PLEKHG6: variants seen among roughly 807,000 people sequenced by gnomAD.
The protein encoded by PLEKHG6 is pleckstrin homology domain-containing family G member 6.
PLEKHG6 carries 91 observed loss-of-function variants against 97.5 expected under a neutral mutation model. The ratio of observed to expected loss-of-function variants is 0.93; its 90% CI spans 0.79 to 1.11. PLEKHG6 has a LOEUF of 1.11. Ranked by LOEUF, PLEKHG6 falls within the 50% of genes most tolerant of loss-of-function variation. The pLI is 0.00. For synonymous variants in PLEKHG6, 466 were observed against 425.5 expected (o/e 1.10, Z -1.17); for missense variants, 1,044 against 1,031.0 (o/e 1.01, Z -0.17).
chr12:6,316,045 C>A lies in PLEKHG6; in HGVS notation c.606+126C>A. 2.0e-6 allele frequency: 2 copies of A among 977,778 alleles called. No individual in the cohort carries two copies. The highest frequency in any genetic ancestry group is 3.0e-6 in the Non-Finnish European group (2 of 663,390). The allele number at this position is 977,778 out of a possible 1,614,324, so 60.6% of individuals were successfully genotyped here. On this transcript the variant is annotated intron_variant, in intron 6 of 15. Transcript: ENST00000684764. This position sits in a 1 kb window ranked among gnomAD's most constrained non-coding sequence, Gnocchi z 4.1. ...CGTTTTTTGGGATGCCTTGCCCTCC[C>A]TACTTCCCTGTTACTGGGGACTCCA...
intron 2 of PLEKHG6, chr12:6,313,297 G>T: frequency 9.5e-7 from 1 of 1,053,510 alleles, no homozygotes; most frequent in South Asian, 1.4e-5. Flanking sequence ...CCCATGGTAC[G>T]GAGAGCAGGA....
chr12:6,314,959 G>A lies in PLEKHG6; in HGVS notation c.295-46G>A, dbSNP rs767125887. On this transcript the variant is annotated intron_variant, in intron 3 of 15. Transcript: ENST00000684764. ...AGCCCTCCCGGGGCCCTGTGGCTGG[G>A]TGCCAAGGATGTGACCAGAGCTGAT... 13 of 1,586,282 alleles carry A rather than the reference G, an allele frequency of 8.2e-6. No individual in the cohort carries two copies. In the East Asian group the frequency reaches 1.4e-4, roughly 16 times the overall value.
At chr12:6,318,681 C>T (rs906290659) in intron 11 of PLEKHG6, 64 bp from the exon 12 acceptor site, 2 of 1,569,640 alleles carry the variant, frequency 1.3e-6, no homozygotes, top group African/African-American at 1.3e-5. Flanking sequence ...GAGCCTCCTC[C>T]CGGACCAGCC....
intron 9 of PLEKHG6, 27 bp downstream of exon 9, chr12:6,317,723 C>G: frequency 5.6e-6 from 9 of 1,610,826 alleles, no homozygotes; most frequent in Non-Finnish European, 7.6e-6. Flanking sequence ...GGCTGGGACT[C>G]TGGTGAATCG....
At chr12:6,324,159 C>T (rs1947790380) in intron 13 of PLEKHG6, among the ~76,000 whole-genome samples, 1 of 152,164 alleles carries the variant, frequency 6.6e-6, no homozygotes, top group Admixed American at 6.5e-5. Flanking sequence ...TGTCTCTCCT[C>T]TTAACCAAGC....
At chr12:6,324,978 G>A (rs1370451802) in intron 13 of PLEKHG6, among the ~76,000 whole-genome samples, 2 of 152,158 alleles carry the variant, frequency 1.3e-5, no homozygotes, top group Non-Finnish European at 2.9e-5. Flanking sequence ...CTAGATCATG[G>A]GGATGGGGGA....
chr12:6,321,492 T>C (rs961767908), intron 13 of PLEKHG6, among the ~76,000 whole-genome samples: 4 of 151,840 alleles, frequency 2.6e-5, no homozygotes, highest in African/African-American at 9.7e-5. Context: ...GCCACAGCCT[T>C]AGGGAGACAT....
chr12:6,326,839 C>G (rs1207452982), intron 14 of PLEKHG6, among the ~76,000 whole-genome samples: 3 of 152,138 alleles, frequency 2.0e-5, no homozygotes, highest in Non-Finnish European at 4.4e-5. Flanking sequence ...GAGGAGCAAG[C>G]TCGAGAGTGA....
rs1947336799 is a variant in PLEKHG6, at chr12:6,313,286, C to T, written c.139-343C>T. ...GTGCACCACGCCTTGTCCATGCACC[C>T]CCCATGGTACGGAGAGCAGGAGGCA... On this transcript the variant is annotated intron_variant, in intron 2 of 15. Transcript: ENST00000684764. 4 of 1,146,714 alleles carry T rather than the reference C, an allele frequency of 3.5e-6. No individual in the cohort carries two copies. In the Admixed American group the frequency reaches 8.0e-5, roughly 23 times the overall value. The allele number at this position is 1,146,714 out of a possible 1,614,324, so 71.0% of individuals were successfully genotyped here.
rs1947415664 is a variant in PLEKHG6 at position 6,315,255 on chromosome 12, G to A, written c.459+86G>A. 7.5e-7 allele frequency: 1 copy of A among 1,330,862 alleles called. No homozygotes were observed. The highest frequency in any genetic ancestry group is 1.5e-5 in the African/African-American group (1 of 68,244). 82.4% of individuals were successfully genotyped at this position (1,330,862 alleles called of 1,614,324 possible). On this transcript the variant is annotated intron_variant, in intron 4 of 15. Coordinates refer to ENST00000684764, the MANE Select transcript of PLEKHG6 (RefSeq NM_001384598.1). The surrounding 1 kb of genome is among the most constrained non-coding windows in gnomAD (Gnocchi z 4.5). ...GCTCTAGAGGAGGGAAAGGCCTTGGGAAGTGGGGTCATGTGGAAAAAACAT... is the reference window on the plus strand; with the variant it reads ...GCTCTAGAGGAGGGAAAGGCCTTGGAAAGTGGGGTCATGTGGAAAAAACAT...
In PLEKHG6 at chr12:6,313,756, C is replaced by A. The variant is rs760860392; in HGVS notation, c.266C>A (p.Ala89Asp). Residue 89 changes from alanine to aspartate, a missense_variant, in exon 3 of 16, where the codon GCT becomes GAT. Transcript: ENST00000684764. ...PEKRHGGHVG[A>D]GLLHSPKLKE... ...AAGAGGCACGGGGGCCATGTGGGGG[C>A]TGGCCTGCTTCACTCCCCCAAACTC... 9 of 1,602,332 alleles carry A rather than the reference C, an allele frequency of 5.6e-6. No individual in the cohort carries two copies. Among genetic ancestry groups the A allele is most frequent in the Non-Finnish European group, 6.8e-6 (8 of 1,174,274 alleles).
chr12:6,316,754 C>T lies in PLEKHG6; in HGVS notation c.756+350C>T, dbSNP rs1430563656. On this transcript the variant is annotated intron_variant, in intron 7 of 15. Coordinates refer to ENST00000684764, the MANE Select transcript of PLEKHG6 (RefSeq NM_001384598.1). This position sits in a 1 kb window ranked among gnomAD's most constrained non-coding sequence, Gnocchi z 4.1. ...GGTGTAAAAGGCCACAGGAGGCACCCGGGGCACGGAGAAGAGTGACAAGAG... is the reference window on the plus strand; with the variant it reads ...GGTGTAAAAGGCCACAGGAGGCACCTGGGGCACGGAGAAGAGTGACAAGAG... Among the ~76,000 whole-genome samples the T allele has an allele frequency of 6.6e-6, 1 of 152,086 alleles. No homozygotes were observed. Among genetic ancestry groups the T allele is most frequent in the African/African-American group, 2.4e-5 (1 of 41,390 alleles).
intron 9 of PLEKHG6, 54 bp from the exon 10 acceptor site, chr12:6,317,803 G>A (rs1195306540): frequency 2.2e-5 from 34 of 1,543,340 alleles, no homozygotes; most frequent in Non-Finnish European, 2.9e-5. Flanking sequence ...GCTGGCATTG[G>A]TTGGGAGGGG....
At position 6,327,533 on chromosome 12, in the gene PLEKHG6, G is replaced by C; in HGVS notation, c.1950G>C (p.Pro650=). The C allele has an allele frequency of 1.5e-6, 2 of 1,343,840 alleles. No homozygotes were observed. Among genetic ancestry groups the C allele is most frequent in the Non-Finnish European group, 2.0e-6 (2 of 1,016,438 alleles). The allele number at this position is 1,343,840 out of a possible 1,614,324, so 83.2% of individuals were successfully genotyped here. ...APQRRSAPEL[P]EGILKGGSLP... ...AACGCCGAAGCGCCCCCGAACTGCC[G>C]GAAGGAATCCTAAAAGGAGGCAGTC... Residue 650 remains proline, a synonymous_variant, in exon 15 of 16, where the codon CCG becomes CCC. Transcript: ENST00000684764.
Position 6,317,947 on chromosome 12 carries a change from A to T in PLEKHG6, c.1108A>T (p.Ile370Phe). Residue 370 changes from isoleucine to phenylalanine, a missense_variant, in exon 10 of 16, where the codon ATC becomes TTC. Physicochemically the swap from Ile to Phe is conservative, Grantham distance 21 (BLOSUM62 0). Transcript: ENST00000684764. The stretch of plus-strand genomic sequence containing the variant: ...GAGCTTGGCGGCTGCAGCACAACGC[A>T]TCGGGCCCTACGAGGTGCTGGAGCC... Reference protein sequence around the residue: ...QESLAAAAQRIGPYEVLEPPS... With the variant: ...QESLAAAAQRFGPYEVLEPPS... 8 of 1,582,212 alleles carry T rather than the reference A, an allele frequency of 5.1e-6. No individual in the cohort carries two copies. The highest frequency in any genetic ancestry group is 6.9e-6 in the Non-Finnish European group (8 of 1,164,316).
At chr12:6,326,039 G>A (rs1316194949) in intron 13 of PLEKHG6, among the ~76,000 whole-genome samples, 1 of 152,224 alleles carries the variant, frequency 6.6e-6, no homozygotes, top group East Asian at 1.9e-4. Flanking sequence ...GGGCACGGTG[G>A]CTTACACGTC....
At chr12:6,313,525 G>A (rs1039078490) in intron 2 of PLEKHG6, 104 bp from the exon 3 acceptor site, 2 of 1,369,324 alleles carry the variant, frequency 1.5e-6, no homozygotes, top group African/African-American at 2.9e-5. Context: ...CGACTTACCA[G>A]GGTGGGGGAA....
Position 6,316,357 on chromosome 12 carries a change from T to A in PLEKHG6, c.709T>A (p.Ser237Thr), listed in dbSNP as rs1233582403. ...GCCCACCCTGGAGGAGACTCGGGCC[T>A]CGGGCCAGCCTCTGGACCCCATTGG... ...LGPTLEETRASGQPLDPIGLQ... is the reference protein window; with the variant it reads ...LGPTLEETRATGQPLDPIGLQ... Residue 237 changes from serine to threonine, a missense_variant, in exon 7 of 16, where the codon TCG becomes ACG. Coordinates refer to ENST00000684764, the MANE Select transcript of PLEKHG6 (RefSeq NM_001384598.1). The surrounding 1 kb of genome is among the most constrained non-coding windows in gnomAD (Gnocchi z 4.1). 1 of 1,566,650 alleles carries A rather than the reference T, an allele frequency of 6.4e-7. No homozygotes were observed. Among genetic ancestry groups the A allele is most frequent in the Non-Finnish European group, 8.7e-7 (1 of 1,155,166 alleles).
In PLEKHG6 at chr12:6,327,504, C is replaced by T. The variant is rs1197693791; in HGVS notation, c.1921C>T (p.Pro641Ser). 2 of 1,602,490 alleles carry T rather than the reference C, an allele frequency of 1.2e-6. No individual in the cohort carries two copies. Among genetic ancestry groups the T allele is most frequent in the African/African-American group, 2.7e-5 (2 of 74,332 alleles). Residue 641 changes from proline to serine, a missense_variant, in exon 15 of 16, where the codon CCT (proline) becomes TCT (serine). Coordinates refer to ENST00000684764, the MANE Select transcript of PLEKHG6 (RefSeq NM_001384598.1). Reference sequence around the variant, plus strand: ...TCCCCACCCTCCCGACCCCCAAGCTCCTCAACGCCGAAGCGCCCCCGAACT... The same window carrying T: ...TCCCCACCCTCCCGACCCCCAAGCTTCTCAACGCCGAAGCGCCCCCGAACT... ...LRPHPPDPQA[P>S]QRRSAPELPE...
Sources: allele counts gnomAD v4.1 joint callset (sites outside exome capture counted in the v4.1 genomes callset), GRCh38; gene constraint gnomAD v4.1.1; non-coding constraint Gnocchi (gnomAD v3.1); transcripts MANE v1.5; gene names NCBI Gene and HGNC (gene_info 2026-07-23, HGNC 2026-07-21).